SLC25A26: variants seen among roughly 807,000 people sequenced by gnomAD.
SLC25A26 encodes the protein solute carrier family 25 member 26, also known as mitochondrial S-adenosylmethionine carrier protein.
SLC25A26 carries 36 observed loss-of-function variants against 37.8 expected under a neutral mutation model. That is an observed-to-expected ratio of 0.95 (90% confidence interval 0.73 to 1.26). SLC25A26 has a LOEUF of 1.26. SLC25A26 is among the 50% of genes most tolerant of loss of function. The pLI, the probability that SLC25A26 is intolerant of heterozygous loss-of-function variation, is 0.00. For synonymous variants in SLC25A26, 129 were observed against 122.5 expected, an observed-to-expected ratio of 1.05 and a Z score of -0.35; for missense variants, 390 against 331.1, an observed-to-expected ratio of 1.18 and a Z score of -1.38.
chr3:66,335,149 C>T (rs1253143688), intron 5 of SLC25A26, among the ~76,000 whole-genome samples: 2 of 152,188 alleles, frequency 1.3e-5, no homozygotes, highest in East Asian at 1.9e-4. Context: ...TGTTAATTGC[C>T]CATTTATTAA....
chr3:66,241,775 A>G (rs1164030711), intron 2 of SLC25A26, among the ~76,000 whole-genome samples: 1 of 152,072 alleles, frequency 6.6e-6, no homozygotes, highest in East Asian at 1.9e-4. Context: ...GTGGATGTGG[A>G]TGTTTTTGTA....
chr3:66,148,416 G>C (rs1369360550), intron 1 of SLC25A26, among the ~76,000 whole-genome samples: 1 of 152,204 alleles, frequency 6.6e-6, no homozygotes, highest in Non-Finnish European at 1.5e-5. Context: ...AGAGCCTGGG[G>C]AAAGCTTGGG....
Position 66,262,051 on chromosome 3 carries a change from G to C in SLC25A26, c.301G>C (p.Val101Leu). ...HMLAASAGEV[V>L]ACLIRVPSEV... ...GGATATAATCAAATTTGTCTTTTAG[G>C]TTGCCTGCCTGATTCGAGTTCCATC... Residue 101 changes from valine to leucine, a missense_variant and splice_region_variant, in exon 4 of 10, where the codon GTT (valine) becomes CTT (leucine). Transcript: ENST00000354883. 1 of 1,557,812 alleles carries C rather than the reference G, an allele frequency of 6.4e-7. No homozygotes were observed.
chr3:66,159,513 G>T (rs1420807322), intron 1 of SLC25A26, among the ~76,000 whole-genome samples: 1 of 152,074 alleles, frequency 6.6e-6, no homozygotes, highest in Non-Finnish European at 1.5e-5. Context: ...TTAGCATGAG[G>T]GCCTTATTGA....
intron 2 of SLC25A26, 134 bp downstream of exon 2, chr3:66,236,834 AT>A (rs1323955752): frequency 4.7e-6 from 3 of 644,110 alleles, no homozygotes; most frequent in African/African-American, 1.9e-5. Context: ...ACCTGGTGTC[AT>A]TATTATTTTT....
intron 5 of SLC25A26, among the ~76,000 whole-genome samples, chr3:66,310,211 A>G (rs955729168): frequency 1.3e-5 from 2 of 152,222 alleles, no homozygotes; most frequent in African/African-American, 4.8e-5. Flanking sequence ...TATTTAGGAT[A>G]GTTAGCTTTT....
intron 6 of SLC25A26, among the ~76,000 whole-genome samples, chr3:66,347,721 A>G (rs1468174917): frequency 6.6e-6 from 1 of 152,240 alleles, no homozygotes; most frequent in Non-Finnish European, 1.5e-5. Flanking sequence ...CATGGAATCA[A>G]CCCAAATGCC....
At chr3:66,306,419 A>T (rs928631383) in intron 5 of SLC25A26, among the ~76,000 whole-genome samples, 5 of 152,062 alleles carry the variant, frequency 3.3e-5, no homozygotes, top group Admixed American at 2.6e-4. Context: ...TCTTCTTTTG[A>T]GAAGTGTCTT....
intron 1 of SLC25A26, among the ~76,000 whole-genome samples, chr3:66,213,761 A>G (rs1477145916): frequency 6.6e-6 from 1 of 151,974 alleles, no homozygotes; most frequent in African/African-American, 2.4e-5. Context: ...AACTGCCAAA[A>G]AATTCTCTGT....
chr3:66,194,955 C>T (rs1373935208), intron 1 of SLC25A26, among the ~76,000 whole-genome samples: 2 of 152,184 alleles, frequency 1.3e-5, no homozygotes, highest in Non-Finnish European at 2.9e-5. Context: ...CTGGGGTCCC[C>T]ACCCAGCCAC....
chr3:66,134,837 T>C (rs2069923321), intron 1 of SLC25A26, among the ~76,000 whole-genome samples: 2 of 151,908 alleles, frequency 1.3e-5, no homozygotes, highest in African/African-American at 4.8e-5. Context: ...TTATTTTTTT[T>C]TTTATTTTTT....
intron 5 of SLC25A26, among the ~76,000 whole-genome samples, chr3:66,341,672 A>G (rs2076212641): frequency 6.6e-6 from 1 of 152,046 alleles, no homozygotes; most frequent in African/African-American, 2.4e-5. Context: ...TGTTTATTTT[A>G]TGTTTTCTTT....
chr3:66,180,368 G>C (rs527245894), intron 1 of SLC25A26, among the ~76,000 whole-genome samples: 4 of 152,280 alleles, frequency 2.6e-5, no homozygotes, highest in Non-Finnish European at 4.4e-5. Flanking sequence ...AATGGCCTAG[G>C]AGAAGCCAAT....
At chr3:66,194,506 G>C (rs981734322) in intron 1 of SLC25A26, among the ~76,000 whole-genome samples, 118 of 152,338 alleles carry the variant, frequency 7.7e-4, no homozygotes, top group African/African-American at 2.5e-3. Context: ...ACTAAAATTA[G>C]CAAAGCTCTC....
chr3:66,171,351 G>T (rs2070496186), intron 1 of SLC25A26, among the ~76,000 whole-genome samples: 1 of 152,142 alleles, frequency 6.6e-6, no homozygotes, highest in South Asian at 2.1e-4. Context: ...TATGATGCTG[G>T]CTGCTCGTTC....
rs374989598 is a variant in SLC25A26, at chr3:66,378,290, AAAAG to A, written c.*493_*496del. On this transcript the variant is annotated 3_prime_UTR_variant, in exon 10 of 10. Coordinates refer to ENST00000354883, the MANE Select transcript of SLC25A26 (RefSeq NM_001379210.1). ...GTTGTGTAAGGGTAGGCTTTGTTGAAAAAGAAAGAAAGATTGAACTACAGGTGCA... is the reference window on the plus strand; with the variant it reads ...GTTGTGTAAGGGTAGGCTTTGTTGAAAAAGAAAGATTGAACTACAGGTGCA... The A allele has an allele frequency of 6.7e-4, 103 of 153,194 alleles. No individual in the cohort carries two copies. Among genetic ancestry groups the A allele is most frequent in the South Asian group, 1.2e-3 (6 of 4,834 alleles). The allele number at this position is 153,194 out of a possible 1,614,324, so 9.5% of individuals were successfully genotyped here.
At chr3:66,184,831 G>A (rs928460010) in intron 1 of SLC25A26, among the ~76,000 whole-genome samples, 3 of 151,760 alleles carry the variant, frequency 2.0e-5, no homozygotes, top group African/African-American at 4.8e-5. Context: ...GTCCCTGGTC[G>A]TGACCCTGAC....
At chr3:66,315,787 T>C (rs1299368102) in intron 5 of SLC25A26, among the ~76,000 whole-genome samples, 2 of 152,244 alleles carry the variant, frequency 1.3e-5, no homozygotes, top group African/African-American at 2.4e-5. Context: ...TTTATGAATC[T>C]AGGTGCTCCT....
intron 3 of SLC25A26, among the ~76,000 whole-genome samples, chr3:66,256,273 T>C (rs2073298162): frequency 1.3e-5 from 2 of 152,208 alleles, no homozygotes; most frequent in Admixed American, 1.3e-4. Flanking sequence ...GCCTTACTGG[T>C]AAGCTGTTTA....
Sources: allele counts gnomAD v4.1 joint callset (sites outside exome capture counted in the v4.1 genomes callset), GRCh38; gene constraint gnomAD v4.1.1; transcripts MANE v1.5; gene names NCBI Gene and HGNC (gene_info 2026-07-23, HGNC 2026-07-21).